SV2C: variants seen among roughly 807,000 people sequenced by gnomAD.
SV2C encodes solute carrier family 22 member B3.
In SV2C, 49 loss-of-function variants were observed where a neutral mutation model predicts 79.7. The observed-to-expected ratio is 0.61, with a 90% confidence interval of 0.49 to 0.78. The LOEUF (loss-of-function observed/expected upper bound fraction) is 0.78. Ranked by LOEUF, SV2C falls within the 30% of genes least tolerant of loss-of-function variation. The pLI, the probability that SV2C is intolerant of heterozygous loss-of-function variation, is 0.00. For missense variants in SV2C, 833 were observed against 912.9 expected, an observed-to-expected ratio of 0.91 and a Z score of 1.13; for synonymous variants, 334 against 333.2, an observed-to-expected ratio of 1.00 and a Z score of -0.03.
At chr5:76,035,247 T>G in the SV2C span, among the ~76,000 whole-genome samples, 2 of 152,106 alleles carry the variant, frequency 1.3e-5, no homozygotes, top group Non-Finnish European at 2.9e-5. Flanking sequence ...TGTCTCTATT[T>G]CCTTCAGTTC....
At chr5:76,256,052 T>G (rs554871884) in intron 4 of SV2C, among the ~76,000 whole-genome samples, 20 of 152,312 alleles carry the variant, frequency 1.3e-4, no homozygotes, top group African/African-American at 4.6e-4. Context: ...CATTAAACAT[T>G]TCTTCTCTGC....
intron 8 of SV2C, among the ~76,000 whole-genome samples, chr5:76,295,335 G>A (rs988508456): frequency 1.3e-5 from 2 of 151,998 alleles, no homozygotes; most frequent in African/African-American, 2.4e-5. Flanking sequence ...CAGCACCCTC[G>A]CACCTCTTTT....
intron 8 of SV2C, 141 bp from the exon 9 acceptor site, chr5:76,295,637 G>A (rs1747727320): frequency 4.2e-6 from 3 of 714,022 alleles, no homozygotes; most frequent in East Asian, 2.9e-5. Context: ...CACATGGATT[G>A]CTGTATGATG....
Position 76,285,197 on chromosome 5 carries a change from C to T in SV2C, c.949C>T (p.His317Tyr). The change falls in exon 5 of 13, where the codon CAC becomes TAC. Residue 317 changes from histidine to tyrosine, a missense_variant. Coordinates refer to ENST00000502798, the MANE Select transcript of SV2C (RefSeq NM_014979.4). ...CAGCATGGGATCGGCCTACCAGTTTCACAGTTGGCGTGTGTTTGTCATCGT... is the reference window on the plus strand; with the variant it reads ...CAGCATGGGATCGGCCTACCAGTTTTACAGTTGGCGTGTGTTTGTCATCGT... Reference protein sequence around the residue: ...SFSMGSAYQFHSWRVFVIVCA... With the variant: ...SFSMGSAYQFYSWRVFVIVCA... The T allele has an allele frequency of 6.2e-7, 1 of 1,614,186 alleles. No individual in the cohort carries two copies. The highest frequency in any genetic ancestry group is 1.1e-5 in the South Asian group (1 of 91,076).
intron 4 of SV2C, among the ~76,000 whole-genome samples, chr5:76,225,960 C>T (rs868638970): frequency 3.9e-5 from 6 of 152,134 alleles, no homozygotes; most frequent in African/African-American, 9.7e-5. Flanking sequence ...GGTTGGACTG[C>T]GAAGAAATCT....
At chr5:75,889,171 T>C in the SV2C span, among the ~76,000 whole-genome samples, 7 of 151,508 alleles carry the variant, frequency 4.6e-5, no homozygotes, top group Non-Finnish European at 8.8e-5. Context: ...TGTGGCATGG[T>C]GGTTTGCTGC....
chr5:75,978,200 C>G, the SV2C span, among the ~76,000 whole-genome samples: 1 of 152,182 alleles, frequency 6.6e-6, no homozygotes, highest in Non-Finnish European at 1.5e-5. Context: ...TTCTGACTCA[C>G]CTGGCTGCTC....
the SV2C span, among the ~76,000 whole-genome samples, chr5:76,032,869 T>A: frequency 6.6e-6 from 1 of 152,242 alleles, no homozygotes; most frequent in African/African-American, 2.4e-5. Flanking sequence ...ACCAACAGTA[T>A]AAAAGTGTTC....
chr5:75,988,036 A>G, the SV2C span, among the ~76,000 whole-genome samples: 1 of 152,060 alleles, frequency 6.6e-6, no homozygotes, highest in African/African-American at 2.4e-5. Flanking sequence ...CATTCAGAAC[A>G]GTTCTTTACA....
chr5:76,321,203 G>GA (rs1384266272), intron 12 of SV2C, among the ~76,000 whole-genome samples: 1 of 151,698 alleles, frequency 6.6e-6, no homozygotes, highest in Non-Finnish European at 1.5e-5. Context: ...ACTTGTCAAA[G>GA]AAAAACCCAC....
the SV2C span, among the ~76,000 whole-genome samples, chr5:76,027,379 A>G: frequency 9.7e-5 from 14 of 144,078 alleles, no homozygotes; most frequent in African/African-American, 3.5e-4. Flanking sequence ...AGTTTTTATT[A>G]TCCTTTTTTT....
At chr5:76,201,227 C>T (rs528935533) in intron 3 of SV2C, among the ~76,000 whole-genome samples, 6 of 152,330 alleles carry the variant, frequency 3.9e-5, no homozygotes, top group Non-Finnish European at 8.8e-5. Context: ...CAGACACTTT[C>T]CTCCCCTCTT....
At chr5:75,856,955 CTTTTTTTTTT>C in the SV2C span, among the ~76,000 whole-genome samples, 4 of 128,522 alleles carry the variant, frequency 3.1e-5, no homozygotes, top group Admixed American at 3.1e-4. Flanking sequence ...GTCTTTAATC[CTTTTTTTTTT>C]TTTTTTTTTG....
intron 2 of SV2C, among the ~76,000 whole-genome samples, chr5:76,136,229 T>C (rs1018490760): frequency 2.6e-5 from 4 of 152,220 alleles, no homozygotes; most frequent in African/African-American, 9.6e-5. Flanking sequence ...AAGGCAAATA[T>C]CAACTGCTAC....
chr5:76,269,047 T>C (rs1293150896), intron 4 of SV2C, among the ~76,000 whole-genome samples: 1 of 152,228 alleles, frequency 6.6e-6, no homozygotes, highest in Admixed American at 6.5e-5. Flanking sequence ...ACCTATGACA[T>C]GGATGGACAC....
downstream of SV2C, among the ~76,000 whole-genome samples, chr5:76,336,718 C>G (rs1749337398): frequency 1.3e-5 from 2 of 152,208 alleles, no homozygotes; most frequent in Admixed American, 1.3e-4. Flanking sequence ...CAGCGAAACC[C>G]CGTCTCCACC....
intron 1 of SV2C, among the ~76,000 whole-genome samples, chr5:76,126,181 A>G (rs1748700148): frequency 6.6e-6 from 1 of 152,234 alleles, no homozygotes; most frequent in South Asian, 2.1e-4. Flanking sequence ...GGAAAATGTG[A>G]TTGAATGCCA....
chr5:75,977,603 C>G, the SV2C span, among the ~76,000 whole-genome samples: 4 of 152,168 alleles, frequency 2.6e-5, no homozygotes. Flanking sequence ...TGTTCTGTTC[C>G]TTTCAAAGAA....
the SV2C span, among the ~76,000 whole-genome samples, chr5:76,008,468 C>T: frequency 1.2e-4 from 18 of 152,178 alleles, no homozygotes; most frequent in South Asian, 1.5e-3. Context: ...TTCCTCGCAA[C>T]GAGTCCAGAT....
Sources: allele counts gnomAD v4.1 joint callset (sites outside exome capture counted in the v4.1 genomes callset), GRCh38; gene constraint gnomAD v4.1.1; transcripts MANE v1.5; gene names NCBI Gene and HGNC (gene_info 2026-07-23, HGNC 2026-07-21).